AVEN: variants seen among roughly 807,000 people sequenced by gnomAD.
AVEN encodes apoptosis and caspase activation inhibitor, also known as cell death regulator Aven.
AVEN carries 41 observed loss-of-function variants against 38.1 expected under a neutral mutation model. The ratio of observed to expected loss-of-function variants is 1.08; its 90% CI spans 0.84 to 1.40. The LOEUF is 1.40. Ranked by LOEUF, AVEN falls within the 40% of genes most tolerant of loss-of-function variation. AVEN has a pLI of 0.00. For missense variants in AVEN, 605 were observed against 438.8 expected (o/e 1.38, Z -3.38); for synonymous variants, 206 against 171.8 (o/e 1.20, Z -1.56).
At chr15:34,058,355 A>G (rs1258060812) in intron 5 of AVEN, among the ~76,000 whole-genome samples, 1 of 152,134 alleles carries the variant, frequency 6.6e-6, no homozygotes, top group Admixed American at 6.6e-5. Context: ...ATTGTTTTGG[A>G]CTAAGCTCTT....
chr15:33,997,341 G>C (rs1302833015), intron 2 of AVEN, among the ~76,000 whole-genome samples: 1 of 152,024 alleles, frequency 6.6e-6, no homozygotes, highest in Non-Finnish European at 1.5e-5. Context: ...AAACAAAATA[G>C]CCAAATGGTC....
At chr15:34,013,249 G>A (rs746646839) in intron 1 of AVEN, among the ~76,000 whole-genome samples, 10 of 152,078 alleles carry the variant, frequency 6.6e-5, no homozygotes, top group Admixed American at 3.3e-4. Flanking sequence ...TTTAGCAGAG[G>A]TGGGGTTTCA....
At chr15:33,854,279 C>G (rs764349341), downstream of AVEN, 16 of 771,098 alleles carry the variant, frequency 2.1e-5, no homozygotes, top group East Asian at 4.4e-4. Context: ...AAGCTGAGAG[C>G]CATATTTAGG....
chr15:34,037,805 T>A (rs911910900), intron 1 of AVEN, among the ~76,000 whole-genome samples: 8 of 152,292 alleles, frequency 5.3e-5, no homozygotes, highest in African/African-American at 1.9e-4. Flanking sequence ...ACTACTCTCT[T>A]TAGGGATATC....
chr15:33,867,346 A>AG lies in AVEN; in HGVS notation c.973+148dup. 5.1e-6 allele frequency: 6 copies of AG among 1,165,630 alleles called. No homozygotes were observed. In the South Asian group the frequency reaches 1.1e-4, roughly 21 times the overall value. The allele number at this position is 1,165,630 out of a possible 1,614,324, so 72.2% of individuals were successfully genotyped here. A position where few individuals can be genotyped will look rare whatever the true frequency, so the allele number is the denominator to read the frequency against. ...CAGAAAGGTCAGCTCAGGGGGAAGC[A>AG]GAGACGTGAGCACAGAAATAGATGT... On this transcript the variant is annotated intron_variant, in intron 5 of 5. Transcript: ENST00000306730.
At chr15:33,871,495 G>A (rs1435670674) in intron 3 of AVEN, among the ~76,000 whole-genome samples, 2 of 152,018 alleles carry the variant, frequency 1.3e-5, no homozygotes, top group Non-Finnish European at 2.9e-5. Context: ...TTGAACCTGG[G>A]AGGCAGAGGC....
chr15:33,948,481 AAAGT>A lies in AVEN; in HGVS notation c.445+54547_445+54550del, dbSNP rs112970370. Among the ~76,000 whole-genome samples, 1,023 of 152,334 alleles carry A rather than the reference AAAGT, an allele frequency of 6.7e-3. 8 individuals are homozygous for A. Among genetic ancestry groups the A allele is most frequent in the African/African-American group, 0.015 (640 of 41,574 alleles). ...TAAAGATGCAAGGAAGCATAAAAAT[AAAGT>A]AACAATACTTTTTAATAAGTGTTAG... On this transcript the variant is annotated intron_variant, in intron 2 of 5. Transcript: ENST00000306730.
chr15:34,005,529 C>T (rs1211775474), intron 1 of AVEN, among the ~76,000 whole-genome samples: 1 of 152,126 alleles, frequency 6.6e-6, no homozygotes, highest in Non-Finnish European at 1.5e-5. Context: ...ACAGATGCTG[C>T]TTTGAACCCT....
chr15:33,981,749 C>T (rs1345265004), intron 2 of AVEN, among the ~76,000 whole-genome samples: 1 of 152,172 alleles, frequency 6.6e-6, no homozygotes, highest in African/African-American at 2.4e-5. Context: ...ATAAAATTGT[C>T]TAATACTAAC....
intron 5 of AVEN, among the ~76,000 whole-genome samples, chr15:34,044,664 A>T (rs901851409): frequency 6.6e-6 from 1 of 152,214 alleles, no homozygotes; most frequent in African/African-American, 2.4e-5. Context: ...CCAACCCCAT[A>T]GCCTGTGGCA....
At chr15:33,986,994 T>C (rs1869837248) in intron 2 of AVEN, among the ~76,000 whole-genome samples, 1 of 152,194 alleles carries the variant, frequency 6.6e-6, no homozygotes, top group Admixed American at 6.5e-5. Flanking sequence ...AGATAAAATA[T>C]AGATTTACTT....
intron 5 of AVEN, among the ~76,000 whole-genome samples, chr15:34,048,942 G>A (rs745879689): frequency 1.1e-4 from 16 of 152,156 alleles, no homozygotes; most frequent in African/African-American, 2.2e-4. Context: ...GTGGACCCAC[G>A]GCAAACTGCA....
chr15:33,853,179 G>C, the AVEN span: 1 of 1,094,046 alleles, frequency 9.1e-7, no homozygotes. Context: ...GAGTAAATGT[G>C]ATGCTACTTT....
chr15:33,938,903 G>A (rs933580895), intron 2 of AVEN, among the ~76,000 whole-genome samples: 5 of 151,804 alleles, frequency 3.3e-5, no homozygotes, highest in East Asian at 1.9e-4. Context: ...ATGCAATGGC[G>A]CCATCTCGGC....
At chr15:33,994,067 C>A (rs1204509507) in intron 2 of AVEN, among the ~76,000 whole-genome samples, 1 of 152,218 alleles carries the variant, frequency 6.6e-6, no homozygotes, top group East Asian at 1.9e-4. Context: ...AGGGGGTCCC[C>A]CACCCCCAGA....
chr15:34,023,506 G>A (rs1898303576), intron 1 of AVEN, among the ~76,000 whole-genome samples: 1 of 152,190 alleles, frequency 6.6e-6, no homozygotes, highest in South Asian at 2.1e-4. Context: ...TGCTGTCAGG[G>A]TAGAGAAAGC....
At chr15:34,050,334 C>T (rs1056189656) in intron 5 of AVEN, among the ~76,000 whole-genome samples, 2 of 152,174 alleles carry the variant, frequency 1.3e-5, no homozygotes, top group African/African-American at 4.8e-5. Context: ...GCAAGAGCTC[C>T]TGAAGCTTCC....
intron 4 of AVEN, among the ~76,000 whole-genome samples, chr15:33,868,472 G>C (rs577011600): frequency 1.3e-5 from 2 of 150,094 alleles, no homozygotes; most frequent in South Asian, 4.2e-4. Flanking sequence ...GTGAACCTGG[G>C]AGGCGGAGCT....
chr15:33,920,908 T>A (rs980274157), intron 2 of AVEN, among the ~76,000 whole-genome samples: 1 of 152,118 alleles, frequency 6.6e-6, no homozygotes, highest in Non-Finnish European at 1.5e-5. Context: ...CCCAAGCAGC[T>A]GGGACCACAG....
Sources: allele counts gnomAD v4.1 joint callset (sites outside exome capture counted in the v4.1 genomes callset), GRCh38; gene constraint gnomAD v4.1.1; transcripts MANE v1.5; gene names NCBI Gene and HGNC (gene_info 2026-07-23, HGNC 2026-07-21).